TRAPPC8: variants seen among roughly 807,000 people sequenced by gnomAD.
TRAPPC8 encodes trafficking protein particle complex subunit 8, also known as general sporulation gene 1 homolog.
TRAPPC8 carries 54 observed loss-of-function variants against 174.3 expected under a neutral mutation model. That is an observed-to-expected ratio of 0.31 (90% CI 0.25 to 0.39). The LOEUF (loss-of-function observed/expected upper bound fraction) is 0.39. Among genes scored for constraint, TRAPPC8 ranks in the 10% least tolerant of loss-of-function variants. TRAPPC8 has a pLI of 1.00. For missense variants in TRAPPC8, 1,531 were observed against 1,699.1 expected (o/e 0.90, Z 1.74); for synonymous variants, 630 against 579.9 (o/e 1.09, Z -1.24).
intron 16 of TRAPPC8, among the ~76,000 whole-genome samples, chr18:31,867,935 T>C (rs994751733): frequency 1.3e-5 from 2 of 151,948 alleles, no homozygotes; most frequent in Non-Finnish European, 2.9e-5. Flanking sequence ...TGAGAGAAAA[T>C]ACCTAGCTGC....
At position 31,840,289 on chromosome 18, in the gene TRAPPC8, G is replaced by A. The variant is rs553098111; in HGVS notation, c.3838-832C>T. Among the ~76,000 whole-genome samples the A allele has an allele frequency of 9.9e-5, 15 of 151,846 alleles. No individual in the cohort carries two copies. The South Asian group carries it at 1.3e-3, about 13-fold the overall frequency. ...GGAGAATCACTTGAACCCAGGAGGCGGAGGTTGTAGTGAGCCGAGATTGCA... is the reference window on the plus strand; with the variant it reads ...GGAGAATCACTTGAACCCAGGAGGCAGAGGTTGTAGTGAGCCGAGATTGCA... On this transcript the variant is annotated intron_variant, in intron 26 of 28. Transcript: ENST00000283351.
intron 20 of TRAPPC8, 50 bp from the exon 21 acceptor site, chr18:31,855,857 G>A (rs899958257): frequency 4.6e-5 from 70 of 1,535,640 alleles, no homozygotes; most frequent in Non-Finnish European, 6.0e-5. Flanking sequence ...GAGTCTCTAT[G>A]TTATAATTAT....
chr18:31,916,552 A>G, intron 3 of TRAPPC8, 106 bp from the exon 4 acceptor site: 1 of 1,202,598 alleles, frequency 8.3e-7, no homozygotes, highest in Non-Finnish European at 1.1e-6. Flanking sequence ...TTTGTTTCTG[A>G]GACAAAGTCT....
Position 31,935,548 on chromosome 18 carries a change from T to TGAAAA in TRAPPC8, c.158-4026_158-4025insTTTTC, listed in dbSNP as rs745488703. ...GGGCAACAAGAGCGAAACTCCATCT[T>TGAAAA]AAAAAAAAAAAAAAAAAAAAGCAGG... On this transcript the variant is annotated intron_variant, in intron 1 of 28. Transcript: ENST00000283351. Among the ~76,000 whole-genome samples the TGAAAA allele has an allele frequency of 4.3e-3, 197 of 46,262 alleles. 40 individuals carry two copies. Among genetic ancestry groups the TGAAAA allele is most frequent in the Middle Eastern group, 0.013 (1 of 78 alleles). 30.3% of individuals were successfully genotyped at this position (46,262 alleles called of 152,430 possible). A position where few individuals can be genotyped will look rare whatever the true frequency, so the allele number is the denominator to read the frequency against.
intron 9 of TRAPPC8, among the ~76,000 whole-genome samples, chr18:31,902,387 G>A (rs1281346170): frequency 1.3e-5 from 2 of 152,154 alleles, no homozygotes; most frequent in Admixed American, 6.5e-5. Context: ...ACACTGGTCC[G>A]AGCAACCTCT....
At chr18:31,854,855 A>G (rs554834766) in intron 21 of TRAPPC8, among the ~76,000 whole-genome samples, 3 of 150,588 alleles carry the variant, frequency 2.0e-5, no homozygotes, top group African/African-American at 7.3e-5. Flanking sequence ...GGTCCCAGCT[A>G]CTAGGGAGGC....
chr18:31,928,236 CA>C (rs1387027001), intron 2 of TRAPPC8, among the ~76,000 whole-genome samples: 2 of 151,366 alleles, frequency 1.3e-5, no homozygotes, highest in Non-Finnish European at 2.9e-5. Context: ...CAGTGGCTCA[CA>C]ACTGTAATCC....
intron 28 of TRAPPC8, 139 bp downstream of exon 28, chr18:31,831,945 G>GT (rs1365332678): frequency 3.9e-6 from 2 of 511,146 alleles, no homozygotes; most frequent in Admixed American, 8.7e-5. Flanking sequence ...TAACACATCT[G>GT]TAAGCCTTCT....
chr18:31,880,824 T>C (rs1295155703), intron 12 of TRAPPC8, among the ~76,000 whole-genome samples: 2 of 152,200 alleles, frequency 1.3e-5, no homozygotes, highest in East Asian at 1.9e-4. Flanking sequence ...ACAAATTTAA[T>C]GCACAAAAAT....
Position 31,880,099 on chromosome 18 carries a change from ATATATATATATATATATAT to A in TRAPPC8, c.1729-5414_1729-5396del, listed in dbSNP as rs1471678572. On this transcript the variant is annotated intron_variant, in intron 12 of 28. Coordinates refer to ENST00000283351, the MANE Select transcript of TRAPPC8 (RefSeq NM_014939.5). The stretch of plus-strand genomic sequence containing the variant: ...AACTATTGAAAAAAAAAATATATAT[ATATATATATATATATATAT>A]ATATTTTTTTTTTTTTAAGGAAGAA... Among the ~76,000 whole-genome samples the A allele has an allele frequency of 7.6e-3, 607 of 79,798 alleles. 3 individuals are homozygous for A. The highest frequency in any genetic ancestry group is 0.01 in the Non-Finnish European group (408 of 39,506). The allele number at this position is 79,798 out of a possible 152,430, so 52.4% of individuals were successfully genotyped here. A position where few individuals can be genotyped will look rare whatever the true frequency, so the allele number is the denominator to read the frequency against.
At chr18:31,883,999 T>A (rs949881407) in intron 12 of TRAPPC8, among the ~76,000 whole-genome samples, 5 of 151,996 alleles carry the variant, frequency 3.3e-5, no homozygotes, top group Non-Finnish European at 5.9e-5. Context: ...GACCAGCCTG[T>A]CCAACATGGT....
At chr18:31,868,752 G>C (rs1389405836) in intron 16 of TRAPPC8, among the ~76,000 whole-genome samples, 22 of 151,814 alleles carry the variant, frequency 1.4e-4, no homozygotes, top group African/African-American at 2.4e-5. Flanking sequence ...TCCCAGGCTG[G>C]AGTACAATGG....
chr18:31,863,899 A>G (rs2034454327), intron 19 of TRAPPC8, among the ~76,000 whole-genome samples: 1 of 152,018 alleles, frequency 6.6e-6, no homozygotes, highest in South Asian at 2.1e-4. Flanking sequence ...TGCTTTCTAG[A>G]GGCTTTAAAA....
chr18:31,885,712 A>G (rs2035674770), intron 12 of TRAPPC8, among the ~76,000 whole-genome samples: 2 of 151,728 alleles, frequency 1.3e-5, no homozygotes, highest in Non-Finnish European at 2.9e-5. Flanking sequence ...TACAAAAAAA[A>G]ATTAGCCAGG....
At chr18:31,906,369 T>A (rs890742933) in intron 9 of TRAPPC8, among the ~76,000 whole-genome samples, 1 of 148,518 alleles carries the variant, frequency 6.7e-6, no homozygotes, top group Non-Finnish European at 1.5e-5. Context: ...CAGAAAGCAA[T>A]AGTAATATAA....
At chr18:31,887,749 C>T (rs2035784652) in intron 12 of TRAPPC8, among the ~76,000 whole-genome samples, 1 of 149,586 alleles carries the variant, frequency 6.7e-6, no homozygotes, top group South Asian at 2.1e-4. Context: ...AAAACCAGCA[C>T]AAGACAAGGA....
chr18:31,874,400 G>A (rs775530574), intron 13 of TRAPPC8, 80 bp downstream of exon 13: 93 of 1,366,376 alleles, frequency 6.8e-5, no homozygotes, highest in Non-Finnish European at 8.8e-5. Flanking sequence ...TAAAACTATC[G>A]TAAGATATGG....
chr18:31,932,997 C>CAAAAAAAAAAA (rs35234467), intron 1 of TRAPPC8, among the ~76,000 whole-genome samples: 1 of 42,682 alleles, frequency 2.3e-5, no homozygotes, highest in African/African-American at 1.5e-4. Flanking sequence ...GACTCCGTCT[C>CAAAAAAAAAAA]AAAAAAAAAA....
In TRAPPC8 at chr18:31,890,742, G is replaced by A; in HGVS notation, c.1721C>T (p.Ala574Val). ...MILAGHRFSK[A>V]GQKKHALRCY... is the part of the protein sequence containing the mutation. ...TAAAGCAAATGCACTCACCTGCCCT[G>A]CTTTACTAAATCGATGGCCTGCCAA... The change falls in exon 12 of 29, where the codon GCA becomes GTA. Residue 574 changes from alanine to valine, a missense_variant. By Grantham distance (64) the Ala-to-Val change is moderately conservative. Coordinates refer to ENST00000283351, the MANE Select transcript of TRAPPC8 (RefSeq NM_014939.5). 3.7e-6 allele frequency: 6 copies of A among 1,610,428 alleles called. No individual in the cohort carries two copies. The highest frequency in any genetic ancestry group is 5.1e-6 in the Non-Finnish European group (6 of 1,178,180).
Sources: gnomAD v4.1 joint callset for allele counts (sites outside exome capture counted in the v4.1 genomes callset) on GRCh38, gnomAD v4.1.1 for gene constraint, MANE v1.5 for transcripts, NCBI Gene and HGNC (gene_info 2026-07-23, HGNC 2026-07-21) for gene names.